The following IGF2BP1 variants were observed in gnomAD, a reference collection of about 807,000 sequenced individuals.
IGF2BP1 encodes insulin-like growth factor 2 mRNA-binding protein 1.
In IGF2BP1, 11 loss-of-function variants were observed where a neutral mutation model predicts 74.9. The observed-to-expected ratio is 0.15, with a 90% CI of 0.09 to 0.24. The LOEUF (loss-of-function observed/expected upper bound fraction) is 0.24, where lower values mean the gene tolerates loss of function less well. Ranked by LOEUF, IGF2BP1 falls within the 10% of genes least tolerant of loss-of-function variation. The pLI is 1.00. For missense variants in IGF2BP1, 440 were observed against 757.4 expected (o/e 0.58, Z 4.92); for synonymous variants, 287 against 281.8 (o/e 1.02, Z -0.18).
At chr17:49,023,975 G>GGTGTGATT (rs2041821762) in intron 2 of IGF2BP1, among the ~76,000 whole-genome samples, 3 of 150,546 alleles carry the variant, frequency 2.0e-5, no homozygotes, top group Admixed American at 1.3e-4. Flanking sequence ...GCAGTGCAGT[G>GGTGTGATT]GTGTGATTTC....
chr17:48,999,032 G>C (rs529848767), intron 1 of IGF2BP1, 77 bp from the exon 2 acceptor site: 1 of 858,412 alleles, frequency 1.2e-6, no homozygotes, highest in Non-Finnish European at 2.0e-6. Context: ...AATTATCCTA[G>C]TGTCTTTTCC....
chr17:49,032,519 T>C (rs1484555993), intron 5 of IGF2BP1, among the ~76,000 whole-genome samples: 1 of 152,154 alleles, frequency 6.6e-6, no homozygotes, highest in African/African-American at 2.4e-5. Context: ...ATTATGCGTC[T>C]CACTCACTGT....
At chr17:49,042,462 C>T (rs2042062696) in intron 9 of IGF2BP1, 85 bp downstream of exon 9, 1 of 1,476,674 alleles carries the variant, frequency 6.8e-7, no homozygotes, top group Non-Finnish European at 9.4e-7. Context: ...TGGACATGTG[C>T]CCTGTGCCGT....
chr17:49,013,550 A>G (rs1415748676), intron 2 of IGF2BP1: 3 of 152,272 alleles, frequency 2.0e-5, no homozygotes. Context: ...CCTACCCCCA[A>G]CCGGTTGCCA....
At chr17:49,017,020 A>G in intron 2 of IGF2BP1, among the ~76,000 whole-genome samples, 1 of 149,494 alleles carries the variant, frequency 6.7e-6, no homozygotes, top group Non-Finnish European at 1.5e-5. Context: ...TCCACCCTGT[A>G]GGGATAAGGA....
At chr17:49,045,833 T>A in intron 12 of IGF2BP1, 57 bp from the exon 13 acceptor site, 3 of 1,569,236 alleles carry the variant, frequency 1.9e-6, no homozygotes, top group Non-Finnish European at 2.6e-6. Flanking sequence ...TTTTCCCACT[T>A]TTCTCTTTTG....
chr17:49,014,807 G>A, intron 2 of IGF2BP1: 2 of 985,406 alleles, frequency 2.0e-6, no homozygotes, highest in South Asian at 4.7e-5. Flanking sequence ...GGAGCACGGG[G>A]ATGTCTGCCG....
intron 2 of IGF2BP1, among the ~76,000 whole-genome samples, chr17:49,011,463 A>C (rs893889109): frequency 6.6e-6 from 1 of 152,218 alleles, no homozygotes; most frequent in Admixed American, 6.5e-5. Context: ...AGGTATTATC[A>C]TCTTCATCCT....
Position 49,001,330 on chromosome 17 carries a change from A to G in IGF2BP1, c.236+2161A>G, listed in dbSNP as rs533473982. ...CTAAGCAAAATGAACAACTATACAA[A>G]TAATATTTTGTGTATATATACTCTT... On this transcript the variant is annotated intron_variant, in intron 2 of 14. Transcript: ENST00000290341. Among the ~76,000 whole-genome samples, 68 of 152,284 alleles carry G rather than the reference A, an allele frequency of 4.5e-4. 1 individual carries two copies. The highest frequency in any genetic ancestry group is 1.4e-3 in the African/African-American group (60 of 41,576).
intron 5 of IGF2BP1, among the ~76,000 whole-genome samples, chr17:49,035,104 A>G (rs1335932250): frequency 6.6e-6 from 1 of 152,244 alleles, no homozygotes; most frequent in Non-Finnish European, 1.5e-5. Context: ...AATGGAATAG[A>G]ATTCAGAGCC....
chr17:49,024,415 TTAA>T (rs1204318867), intron 2 of IGF2BP1, among the ~76,000 whole-genome samples: 3 of 151,908 alleles, frequency 2.0e-5, no homozygotes, highest in Non-Finnish European at 4.4e-5. Flanking sequence ...TACAAGATTG[TTAA>T]TAATAATGAT....
chr17:49,043,564 C>G lies in IGF2BP1; in HGVS notation c.1200+14C>G. The G allele has an allele frequency of 6.2e-7, 1 of 1,613,268 alleles. No individual in the cohort carries two copies. Among genetic ancestry groups the G allele is most frequent in the Non-Finnish European group, 8.5e-7 (1 of 1,179,380 alleles). Reference sequence around the variant, plus strand: ...AGCTCCTTTATGGTAGGTGGAAGATCTTATTACACGGGATCCCTGGGCCCA... The same window carrying G: ...AGCTCCTTTATGGTAGGTGGAAGATGTTATTACACGGGATCCCTGGGCCCA... On this transcript the variant is annotated intron_variant, in intron 10 of 14. Transcript: ENST00000290341.
intron 14 of IGF2BP1, among the ~76,000 whole-genome samples, chr17:49,047,152 T>G (rs943332067): frequency 6.6e-6 from 1 of 152,110 alleles, no homozygotes; most frequent in African/African-American, 2.4e-5. Context: ...GGCTCTTGGT[T>G]TTTTGGCTTC....
chr17:48,998,961 A>C (rs540967106), intron 1 of IGF2BP1, 148 bp from the exon 2 acceptor site: 1 of 620,954 alleles, frequency 1.6e-6, no homozygotes, highest in South Asian at 2.0e-5. Context: ...CCTTTTTCCC[A>C]TCTGGATGCG....
chr17:49,055,084 A>C lies in IGF2BP1; in HGVS notation c.*5640A>C, dbSNP rs2042210162. 1 of 150,616 alleles carries C rather than the reference A, an allele frequency of 6.6e-6. No homozygotes were observed. Among genetic ancestry groups the C allele is most frequent in the Admixed American group, 6.7e-5 (1 of 14,962 alleles). The allele number at this position is 150,616 out of a possible 1,614,324, so 9.3% of individuals were successfully genotyped here. On this transcript the variant is annotated 3_prime_UTR_variant, in exon 15 of 15. Coordinates refer to ENST00000290341, the MANE Select transcript of IGF2BP1 (RefSeq NM_006546.4). ...TTGCTTAGGTTAGGGGGGGAAAAAGATTTCTTTTTCCAAAGGAAAAAAATA... is the reference window on the plus strand; with the variant it reads ...TTGCTTAGGTTAGGGGGGGAAAAAGCTTTCTTTTTCCAAAGGAAAAAAATA...
chr17:49,025,810 T>A, intron 3 of IGF2BP1, 144 bp downstream of exon 3: 1 of 580,964 alleles, frequency 1.7e-6, no homozygotes, highest in Non-Finnish European at 3.1e-6. Flanking sequence ...TTTCTTTTTT[T>A]CTTTTTGAGT....
At chr17:49,036,086 G>T (rs1409259411) in intron 5 of IGF2BP1, among the ~76,000 whole-genome samples, 1 of 138,164 alleles carries the variant, frequency 7.2e-6, no homozygotes, top group Non-Finnish European at 1.6e-5. Flanking sequence ...GTGCGGGGTT[G>T]ACTGGAAGCG....
intron 4 of IGF2BP1, among the ~76,000 whole-genome samples, chr17:49,027,848 T>A (rs1434609799): frequency 2.6e-5 from 2 of 75,958 alleles, no homozygotes; most frequent in Non-Finnish European, 4.6e-5. Flanking sequence ...CGAGACTCTG[T>A]CTCAGAAAAA....
chr17:49,022,464 AAGG>A (rs2041804956), intron 2 of IGF2BP1, among the ~76,000 whole-genome samples: 1 of 152,078 alleles, frequency 6.6e-6, no homozygotes, highest in Non-Finnish European at 1.5e-5. Context: ...GCTTTGTTGA[AAGG>A]AGGCAGCCTG....
Sources: allele counts gnomAD v4.1 joint callset (sites outside exome capture counted in the v4.1 genomes callset), GRCh38; gene constraint gnomAD v4.1.1; transcripts MANE v1.5; gene names NCBI Gene and HGNC (gene_info 2026-07-23, HGNC 2026-07-21).